Variants in DEK observed in about 807,000 individuals in gnomAD.
The protein encoded by DEK is DEK proto-oncogene.
DEK carries 28 observed loss-of-function variants against 46.8 expected under a neutral mutation model. That is an observed-to-expected ratio of 0.60 (90% confidence interval 0.44 to 0.82). The LOEUF (loss-of-function observed/expected upper bound fraction) is 0.82, where lower values mean the gene tolerates loss of function less well. Among genes scored for constraint, DEK ranks in the 40% least tolerant of loss-of-function variants. The pLI is 0.00. For synonymous variants in DEK, 160 were observed against 144.5 expected, an observed-to-expected ratio of 1.11 and a Z score of -0.77; for missense variants, 416 against 430.6, an observed-to-expected ratio of 0.97 and a Z score of 0.30.
chr6:18,246,823 T>G (rs1191987644), intron 7 of DEK, among the ~76,000 whole-genome samples: 4 of 152,166 alleles, frequency 2.6e-5, no homozygotes, highest in Admixed American at 6.6e-5. Flanking sequence ...GTAAAATCAA[T>G]CTACCCAAAT....
chr6:18,256,183 C>T (rs1040067976), intron 5 of DEK, among the ~76,000 whole-genome samples, 178 bp downstream of exon 5: 5 of 152,028 alleles, frequency 3.3e-5, no homozygotes, highest in African/African-American at 1.2e-4. Flanking sequence ...GACGGGGTTT[C>T]TCCATGTTGG....
chr6:18,256,028 C>T (rs1561990546), intron 5 of DEK, among the ~76,000 whole-genome samples, 177 bp from the exon 6 acceptor site: 1 of 151,650 alleles, frequency 6.6e-6, no homozygotes, highest in African/African-American at 2.4e-5. Context: ...GCTCTTGTTG[C>T]CCAGGCTGGA....
intron 6 of DEK, among the ~76,000 whole-genome samples, chr6:18,252,392 C>A (rs899885737): frequency 1.3e-4 from 19 of 150,408 alleles, no homozygotes; most frequent in African/African-American, 4.7e-4. Flanking sequence ...ACCTATAGTC[C>A]CAGTTACTTG....
intron 2 of DEK, among the ~76,000 whole-genome samples, chr6:18,259,900 G>A (rs1436998785): frequency 6.6e-6 from 1 of 152,172 alleles, no homozygotes; most frequent in East Asian, 1.9e-4. Flanking sequence ...ACAGAATGAA[G>A]ACCAAACACA....
In DEK at chr6:18,224,040, T is replaced by A. The variant is rs745498064; in HGVS notation, c.*1679A>T. 6.4e-6 allele frequency: 1 copy of A among 156,770 alleles called. No homozygotes were observed. The highest frequency in any genetic ancestry group is 2.4e-5 in the African/African-American group (1 of 41,626). The allele number at this position is 156,770 out of a possible 1,614,324, so 9.7% of individuals were successfully genotyped here. A position where few individuals can be genotyped will look rare whatever the true frequency, so the allele number is the denominator to read the frequency against. ...TTGTGAAGTCACTCCAAGAAAATGGTCCATTACCACAAAAGAGTATTCCAA... is the reference window on the plus strand; with the variant it reads ...TTGTGAAGTCACTCCAAGAAAATGGACCATTACCACAAAAGAGTATTCCAA... On this transcript the variant is annotated 3_prime_UTR_variant, in exon 11 of 11. Transcript: ENST00000652689.
chr6:18,260,985 CAAAAA>C (rs780634683), intron 2 of DEK, among the ~76,000 whole-genome samples: 3 of 78,026 alleles, frequency 3.8e-5, no homozygotes, highest in South Asian at 3.8e-4. Flanking sequence ...ACCTTGTCTC[CAAAAA>C]AAAAAAAAAA....
At chr6:18,236,919 C>T (rs575671210) in intron 8 of DEK, 15 of 203,628 alleles carry the variant, frequency 7.4e-5, no homozygotes, top group African/African-American at 2.6e-4. Context: ...CCTCGTGTGA[C>T]GGGTCGCAGT....
chr6:18,252,531 A>G (rs1049363501), intron 6 of DEK, among the ~76,000 whole-genome samples: 1 of 150,588 alleles, frequency 6.6e-6, no homozygotes, highest in Admixed American at 6.6e-5. Context: ...AAAAAAAAAA[A>G]AAAAGAAAAT....
intron 7 of DEK, among the ~76,000 whole-genome samples, chr6:18,246,683 C>A (rs1791130966): frequency 1.3e-5 from 2 of 152,100 alleles, no homozygotes; most frequent in South Asian, 4.1e-4. Flanking sequence ...TACAATTTAA[C>A]CTCATATAAT....
intron 7 of DEK, among the ~76,000 whole-genome samples, chr6:18,244,168 G>GT (rs869305809): frequency 6.6e-6 from 1 of 151,984 alleles, no homozygotes; most frequent in African/African-American, 2.4e-5. Context: ...ATTAGGTTAA[G>GT]TTTTTTTAAA....
At chr6:18,255,973 T>G in intron 5 of DEK, 122 bp from the exon 6 acceptor site, 2 of 1,145,530 alleles carry the variant, frequency 1.7e-6, no homozygotes, top group African/African-American at 1.6e-5. Context: ...AAGTGGCCAA[T>G]GCTTCTATGA....
chr6:18,231,210 T>A (rs944532105), intron 9 of DEK, among the ~76,000 whole-genome samples: 1 of 152,138 alleles, frequency 6.6e-6, no homozygotes, highest in African/African-American at 2.4e-5. Context: ...CTGGGACACA[T>A]TTAAAGCAGT....
chr6:18,232,152 C>T (rs1272278521), intron 9 of DEK, among the ~76,000 whole-genome samples: 1 of 152,144 alleles, frequency 6.6e-6, no homozygotes, highest in Non-Finnish European at 1.5e-5. Flanking sequence ...AGGCCTTCGA[C>T]AAAATTCAAC....
chr6:18,231,945 C>T (rs917793739), intron 9 of DEK, among the ~76,000 whole-genome samples: 3 of 152,166 alleles, frequency 2.0e-5, no homozygotes, highest in African/African-American at 7.2e-5. Context: ...CCCTGATGAA[C>T]ATCGACGCAA....
At chr6:18,254,705 G>A (rs949661806) in intron 6 of DEK, among the ~76,000 whole-genome samples, 1 of 152,084 alleles carries the variant, frequency 6.6e-6, no homozygotes, top group African/African-American at 2.4e-5. Flanking sequence ...AATTGCTTCT[G>A]AGGAAATAGT....
Position 18,255,962 on chromosome 6 carries a change from A to G in DEK, c.453-111T>C, listed in dbSNP as rs2151092569. 4 of 1,268,436 alleles carry G rather than the reference A, an allele frequency of 3.2e-6. No homozygotes were observed. In the South Asian group the frequency reaches 7.1e-5, roughly 22 times the overall value. 78.6% of individuals were successfully genotyped at this position (1,268,436 alleles called of 1,614,324 possible). ...ATTGGCTCAGTTACATACATTTAAA[A>G]AAGTGGCCAATGCTTCTATGAATCT... is the stretch of plus-strand genomic sequence containing the variant. On this transcript the variant is annotated intron_variant, in intron 5 of 10. Coordinates refer to ENST00000652689, the MANE Select transcript of DEK (RefSeq NM_003472.4).
chr6:18,251,664 T>C (rs371914857), intron 6 of DEK, among the ~76,000 whole-genome samples: 1 of 152,308 alleles, frequency 6.6e-6, no homozygotes, highest in East Asian at 1.9e-4. Context: ...CCTTAATCCA[T>C]GTGGATAAAT....
intron 9 of DEK, among the ~76,000 whole-genome samples, chr6:18,234,556 C>G (rs1163819409): frequency 6.6e-6 from 1 of 152,150 alleles, no homozygotes; most frequent in Non-Finnish European, 1.5e-5. Context: ...TCTCTCCTTT[C>G]ATTTCCACCA....
intron 7 of DEK, among the ~76,000 whole-genome samples, chr6:18,240,082 C>T (rs1344614215): frequency 2.0e-5 from 3 of 152,104 alleles, no homozygotes; most frequent in Non-Finnish European, 4.4e-5. Flanking sequence ...CTTCCAAAGC[C>T]TTTTAAGGCT....
Sources: allele counts gnomAD v4.1 joint callset (sites outside exome capture counted in the v4.1 genomes callset), GRCh38; gene constraint gnomAD v4.1.1; transcripts MANE v1.5; gene names NCBI Gene and HGNC (gene_info 2026-07-23, HGNC 2026-07-21).